MACROD2: variants seen among roughly 807,000 people sequenced by gnomAD.
The protein encoded by MACROD2 is mono-ADP ribosylhydrolase 2.
A neutral mutation model predicts 70.4 loss-of-function variants in MACROD2; 36 were observed. The observed-to-expected ratio is 0.51, with a 90% CI of 0.39 to 0.68. MACROD2 has a LOEUF of 0.68. MACROD2 is among the 30% of genes least tolerant of loss of function. MACROD2 has a pLI of 0.00. For synonymous variants in MACROD2, 172 were observed against 178.8 expected (o/e 0.96, Z 0.30); for missense variants, 496 against 538.4 (o/e 0.92, Z 0.78).
chr20:15,996,430 T>C (rs1398982251), intron 15 of MACROD2, among the ~76,000 whole-genome samples: 3 of 152,222 alleles, frequency 2.0e-5, no homozygotes, highest in African/African-American at 7.2e-5. Context: ...CATTAATTCT[T>C]CTTTAAATGT....
At chr20:14,467,319 G>A (rs888537533) in intron 3 of MACROD2, among the ~76,000 whole-genome samples, 8 of 152,076 alleles carry the variant, frequency 5.3e-5, no homozygotes, top group East Asian at 1.9e-4. Context: ...TTCCGTGGGC[G>A]TAGGACCCTC....
chr20:14,856,649 AG>A (rs2073258347), intron 5 of MACROD2, among the ~76,000 whole-genome samples: 1 of 152,146 alleles, frequency 6.6e-6, no homozygotes, highest in Admixed American at 6.5e-5. Context: ...TGAATAACCC[AG>A]GGGTGGTGTG....
intron 5 of MACROD2, among the ~76,000 whole-genome samples, chr20:14,857,319 G>T (rs365516): frequency 0.86 from 131,159 of 152,230 alleles, 56,884 homozygotes; most frequent in African/African-American, 0.91. Flanking sequence ...ACACACAGGC[G>T]TTGAGGGGCC....
chr20:15,006,176 T>C (rs2075035724), intron 5 of MACROD2, among the ~76,000 whole-genome samples: 1 of 151,382 alleles, frequency 6.6e-6, no homozygotes, highest in African/African-American at 2.4e-5. Flanking sequence ...TGTGTGTGTG[T>C]GTGTGTACGT....
chr20:15,945,272 A>C (rs999541036), intron 12 of MACROD2, among the ~76,000 whole-genome samples: 1 of 152,144 alleles, frequency 6.6e-6, no homozygotes, highest in Non-Finnish European at 1.5e-5. Flanking sequence ...TATATTCCAC[A>C]TACCTTGCTA....
intron 3 of MACROD2, among the ~76,000 whole-genome samples, chr20:14,141,711 C>T (rs1286221518): frequency 7.8e-6 from 1 of 128,458 alleles, no homozygotes; most frequent in Admixed American, 9.6e-5. Flanking sequence ...AGCCATTGCA[C>T]TCCAGCCTGG....
At chr20:15,929,268 A>G (rs974181653) in intron 10 of MACROD2, among the ~76,000 whole-genome samples, 1 of 152,150 alleles carries the variant, frequency 6.6e-6, no homozygotes, top group African/African-American at 2.4e-5. Context: ...TTGTCATGGC[A>G]AATGTCAGGA....
intron 6 of MACROD2, among the ~76,000 whole-genome samples, chr20:15,368,926 G>A (rs1412323608): frequency 6.6e-6 from 1 of 152,182 alleles, no homozygotes; most frequent in Non-Finnish European, 1.5e-5. Context: ...CCTTTTGGTA[G>A]CGGGATACGT....
chr20:15,807,173 G>A (rs1387718980), intron 8 of MACROD2, among the ~76,000 whole-genome samples: 1 of 152,218 alleles, frequency 6.6e-6, no homozygotes, highest in East Asian at 1.9e-4. Context: ...GGAGAATCCA[G>A]CTGATTACAC....
At position 14,071,257 on chromosome 20, in the gene MACROD2, T is replaced by G. The variant is rs988490431; in HGVS notation, c.164-14364T>G. On this transcript the variant is annotated intron_variant, in intron 2 of 17. Coordinates refer to ENST00000684519, the MANE Select transcript of MACROD2 (RefSeq NM_001351661.2). The stretch of plus-strand genomic sequence containing the variant: ...TATTGGCCATTTCATCTTGTGTTTT[T>G]TTTTTTTTTTTTTTTTTTTTTGAGA... Among the ~76,000 whole-genome samples, 4 of 102,566 alleles carry G rather than the reference T, an allele frequency of 3.9e-5. No individual in the cohort carries two copies. In the East Asian group the frequency reaches 9.5e-4, roughly 24 times the overall value. The allele number at this position is 102,566 out of a possible 152,430, so 67.3% of individuals were successfully genotyped here.
intron 3 of MACROD2, among the ~76,000 whole-genome samples, chr20:14,122,584 A>C (rs1018317243): frequency 5.3e-5 from 8 of 152,212 alleles, no homozygotes; most frequent in African/African-American, 1.9e-4. Context: ...CTGATTAAAG[A>C]GTATCTATTT....
intron 3 of MACROD2, among the ~76,000 whole-genome samples, chr20:14,100,088 A>G (rs570747129): frequency 2.6e-5 from 4 of 152,212 alleles, no homozygotes; most frequent in Non-Finnish European, 5.9e-5. Context: ...AACACTTAGG[A>G]ACAAATAAAC....
At chr20:14,168,412 A>G (rs2081189768) in intron 3 of MACROD2, among the ~76,000 whole-genome samples, 2 of 152,194 alleles carry the variant, frequency 1.3e-5, no homozygotes, top group Admixed American at 1.3e-4. Context: ...AAGTTTGCTT[A>G]AACACTTCTG....
At chr20:14,301,205 A>G (rs2082472158) in intron 3 of MACROD2, among the ~76,000 whole-genome samples, 1 of 152,168 alleles carries the variant, frequency 6.6e-6, no homozygotes, top group African/African-American at 2.4e-5. Context: ...CACACATTTA[A>G]CCACTATGTC....
rs905368845 is a variant in MACROD2 at position 15,096,793 on chromosome 20, T to C, written c.419-133147T>C. On this transcript the variant is annotated intron_variant, in intron 5 of 17. Transcript: ENST00000684519. ...TCCCAAAGTGCTGGGATTATAGGCG[T>C]GAGCCACTATGCTAATTTTTTTTTT... 2.0e-5 allele frequency among the ~76,000 whole-genome samples: 3 copies of C among 147,754 alleles called. 1 individual carries two copies. The highest frequency in any genetic ancestry group is 6.9e-5 in the Admixed American group (1 of 14,490).
At chr20:15,328,513 C>G (rs1388878326) in intron 6 of MACROD2, among the ~76,000 whole-genome samples, 1 of 152,090 alleles carries the variant, frequency 6.6e-6, no homozygotes, top group African/African-American at 2.4e-5. Flanking sequence ...GTCTGGAGTT[C>G]TCATTAAGAC....
intron 2 of MACROD2, among the ~76,000 whole-genome samples, chr20:14,010,626 T>C (rs1488556211): frequency 6.6e-6 from 1 of 152,016 alleles, no homozygotes; most frequent in Non-Finnish European, 1.5e-5. Flanking sequence ...GATTGTCTAA[T>C]GTCAGTTTGT....
chr20:14,988,761 A>G (rs1040355790), intron 5 of MACROD2, among the ~76,000 whole-genome samples: 1 of 152,182 alleles, frequency 6.6e-6, no homozygotes. Flanking sequence ...AAAACTATCT[A>G]ATAAAGCTCC....
At chr20:14,169,337 TCTTGTTGC>T (rs539396946) in intron 3 of MACROD2, among the ~76,000 whole-genome samples, 98 of 152,228 alleles carry the variant, frequency 6.4e-4, no homozygotes, top group Non-Finnish European at 1.2e-3. Flanking sequence ...AGAGTTTCAC[TCTTGTTGC>T]CCAGGGTGGA....
Sources: allele counts gnomAD v4.1 joint callset (sites outside exome capture counted in the v4.1 genomes callset), GRCh38; gene constraint gnomAD v4.1.1; transcripts MANE v1.5; gene names NCBI Gene and HGNC (gene_info 2026-07-23, HGNC 2026-07-21).